CATSPERG: variants seen among roughly 807,000 people sequenced by gnomAD.
The protein encoded by CATSPERG is cation channel sperm-associated auxiliary subunit gamma.
A neutral mutation model predicts 145.0 loss-of-function variants in CATSPERG; 115 were observed. The ratio of observed to expected loss-of-function variants is 0.79; its 90% CI spans 0.68 to 0.93. CATSPERG has a LOEUF of 0.93. CATSPERG is among the 40% of genes least tolerant of loss of function. CATSPERG has a pLI of 0.00. For missense variants in CATSPERG, 1,296 were observed against 1,490.1 expected (o/e 0.87, Z 2.14); for synonymous variants, 588 against 589.0 (o/e 1.00, Z 0.02).
chr19:38,365,022 C>G (rs575990303), intron 21 of CATSPERG, 39 bp from the exon 22 acceptor site: 2 of 1,613,650 alleles, frequency 1.2e-6, no homozygotes, highest in East Asian at 2.2e-5. Context: ...AAAGCCTGGG[C>G]CGGCGGGGAT....
chr19:38,362,865 G>C, intron 20 of CATSPERG, 33 bp downstream of exon 20: 1 of 960,004 alleles, frequency 1.0e-6, no homozygotes, highest in Non-Finnish European at 1.6e-6. Context: ...GATCAAGGGA[G>C]GTTTTGTTTT....
intron 7 of CATSPERG, among the ~76,000 whole-genome samples, chr19:38,347,343 A>T (rs188354267): frequency 1.4e-3 from 214 of 152,232 alleles, no homozygotes; most frequent in Middle Eastern, 3.4e-3. Context: ...GTGCCACTGC[A>T]CTCCAGCCTG....
intron 26 of CATSPERG, among the ~76,000 whole-genome samples, chr19:38,368,929 C>A (rs977737734): frequency 1.3e-5 from 2 of 152,186 alleles, no homozygotes; most frequent in Non-Finnish European, 2.9e-5. Flanking sequence ...TCCCAAAGTA[C>A]TGGGATTACA....
intron 22 of CATSPERG, chr19:38,366,914 G>A (rs1277533297): frequency 2.2e-5 from 11 of 506,164 alleles, no homozygotes; most frequent in Admixed American, 3.7e-5. Flanking sequence ...GGCTAGTCTC[G>A]AACTCCTGGA....
chr19:38,370,430 C>T, intron 28 of CATSPERG, 96 bp from the exon 29 acceptor site: 2 of 1,531,668 alleles, frequency 1.3e-6, no homozygotes, highest in Admixed American at 1.7e-5. Flanking sequence ...TGCTGTCATG[C>T]CTCCATCTGT....
intron 13 of CATSPERG, 72 bp from the exon 14 acceptor site, chr19:38,359,397 CG>C (rs1460527231): frequency 1.1e-6 from 1 of 930,488 alleles, no homozygotes; most frequent in African/African-American, 1.6e-5. Context: ...AAGTGGCTCC[CG>C]TGTTATTAGG....
chr19:38,368,108 C>A lies in CATSPERG; in HGVS notation c.2991C>A (p.His997Gln), dbSNP rs961197276. 6.2e-7 allele frequency: 1 copy of A among 1,614,208 alleles called. No homozygotes were observed. The highest frequency in any genetic ancestry group is 2.2e-5 in the East Asian group (1 of 44,882). The change falls in exon 26 of 29, where the codon CAC (histidine) becomes CAA (glutamine). Residue 997 changes from histidine (H) to glutamine (Q), a missense_variant. Transcript: ENST00000409235. ...TTRTTKDSAF[H>Q]IMSHESPGIE... ...GGACCACCAAAGACTCAGCCTTTCA[C>A]ATCATGTCCCACGAGAGCCCAGGCA...
intron 28 of CATSPERG, 25 bp from the exon 29 acceptor site, chr19:38,370,501 C>A: frequency 6.2e-7 from 1 of 1,613,946 alleles, no homozygotes; most frequent in Non-Finnish European, 8.5e-7. Flanking sequence ...GTGCCAACTC[C>A]TTACTCATTC....
At chr19:38,367,606 T>C (rs1970475528) in intron 24 of CATSPERG, 34 bp downstream of exon 24, 1 of 1,612,584 alleles carries the variant, frequency 6.2e-7, no homozygotes, top group African/African-American at 1.3e-5. Flanking sequence ...CTAGGGCAGG[T>C]GGAGGGAGTG....
rs767652859 is a variant in CATSPERG, at chr19:38,360,860, C to T, written c.1880+17C>T. On this transcript the variant is annotated intron_variant, in intron 16 of 28. Coordinates refer to ENST00000409235, the MANE Select transcript of CATSPERG (RefSeq NM_021185.5). ...GCGGAAAGGGTGAGAAGACACCGGA[C>T]CATGACAGGGGTCTGAGGGCTCCCG... 3.1e-5 allele frequency: 49 copies of T among 1,588,792 alleles called. No homozygotes were observed. The East Asian group carries it at 1.1e-3, about 34-fold the overall frequency.
intron 6 of CATSPERG, 48 bp from the exon 7 acceptor site, chr19:38,346,402 C>T (rs1239978433): frequency 6.8e-7 from 1 of 1,480,576 alleles, no homozygotes; most frequent in Non-Finnish European, 9.1e-7. Context: ...GATGGAGTCT[C>T]AGGAGAGTGG....
At position 38,343,605 on chromosome 19, in the gene CATSPERG, G is replaced by T; in HGVS notation, c.350G>T (p.Gly117Val). Residue 117 changes from glycine to valine, a missense_variant, in exon 4 of 29, where the codon GGC becomes GTC. Physicochemically the swap from Gly to Val is moderately radical, Grantham distance 109. Transcript: ENST00000409235. ...CCCTCTGAGGACCTGGTGCGCATGG[G>T]CCACCTGACGGGGCTAAAGCCCCTG... ...EKPSEDLVRM[G>V]HLTGLKPLVL... The T allele has an allele frequency of 6.4e-7, 1 of 1,550,838 alleles. No homozygotes were observed. Among genetic ancestry groups the T allele is most frequent in the Non-Finnish European group, 8.7e-7 (1 of 1,146,666 alleles).
At chr19:38,342,781 C>A (rs1969961180) in intron 3 of CATSPERG, among the ~76,000 whole-genome samples, 1 of 151,842 alleles carries the variant, frequency 6.6e-6, no homozygotes, top group Non-Finnish European at 1.5e-5. Context: ...GCCTCTTAGC[C>A]TTCACTGGTG....
chr19:38,365,194 A>G (rs963606113), intron 22 of CATSPERG, 77 bp downstream of exon 22: 2 of 1,217,834 alleles, frequency 1.6e-6, no homozygotes, highest in Non-Finnish European at 2.4e-6. Flanking sequence ...CCCCCTGAGA[A>G]TCCCACTAAT....
At position 38,346,579 on chromosome 19, in the gene CATSPERG, A is replaced by T; in HGVS notation, c.799A>T (p.Ser267Cys). 1 of 1,551,472 alleles carries T rather than the reference A, an allele frequency of 6.4e-7. No individual in the cohort carries two copies. Among genetic ancestry groups the T allele is most frequent in the Non-Finnish European group, 8.7e-7 (1 of 1,146,776 alleles). Residue 267 changes from serine to cysteine, a missense_variant, in exon 7 of 29, where the codon AGC becomes TGC. Ser to Cys is a moderately radical substitution (Grantham distance 112). Transcript: ENST00000409235. ...GAAGTACGTCCTGATGACTGACACC[A>T]GCTTCAAGGACTTCTCTCTCGTGGA... is the stretch of plus-strand genomic sequence containing the variant. ...NEKYVLMTDT[S>C]FKDFSLVELS... is the part of the protein sequence containing the mutation.
At chr19:38,361,007 C>T (rs1970335030) in intron 16 of CATSPERG, among the ~76,000 whole-genome samples, 164 bp downstream of exon 16, 1 of 152,112 alleles carries the variant, frequency 6.6e-6, no homozygotes, top group African/African-American at 2.4e-5. Flanking sequence ...GGAGCCCAAC[C>T]TAGTGGGGGG....
At chr19:38,360,931 G>A in intron 16 of CATSPERG, 88 bp downstream of exon 16, 1 of 1,128,120 alleles carries the variant, frequency 8.9e-7, no homozygotes. Context: ...GGGAGACCGA[G>A]CTAACCCCAG....
intron 11 of CATSPERG, 88 bp downstream of exon 11, chr19:38,356,949 G>A (rs2145092898): frequency 1.3e-6 from 2 of 1,527,670 alleles, no homozygotes; most frequent in South Asian, 1.2e-5. Context: ...TCTGTGCCCA[G>A]CAGACAGAGG....
Position 38,337,699 on chromosome 19 carries a change from C to T in CATSPERG, c.324+53C>T. 2 of 1,392,694 alleles carry T rather than the reference C, an allele frequency of 1.4e-6. 1 individual carries two copies. The highest frequency in any genetic ancestry group is 1.9e-6 in the Non-Finnish European group (2 of 1,027,722). The allele number at this position is 1,392,694 out of a possible 1,614,324, so 86.3% of individuals were successfully genotyped here. A position where few individuals can be genotyped will look rare whatever the true frequency, so the allele number is the denominator to read the frequency against. ...ATTCTATGAGCCTTGGTTTTCCCAC[C>T]TCTAACATTTTTATTTATTTATTTA... On this transcript the variant is annotated intron_variant, in intron 3 of 28. Transcript: ENST00000409235.
Sources: gnomAD v4.1 joint callset for allele counts (sites outside exome capture counted in the v4.1 genomes callset) on GRCh38, gnomAD v4.1.1 for gene constraint, MANE v1.5 for transcripts, NCBI Gene and HGNC (gene_info 2026-07-23, HGNC 2026-07-21) for gene names.